The following PACSIN2 variants were observed in gnomAD, a reference collection of about 807,000 sequenced individuals.
PACSIN2 encodes protein kinase C and casein kinase substrate in neurons 2.
PACSIN2 carries 25 observed loss-of-function variants against 63.8 expected under a neutral mutation model. The ratio of observed to expected loss-of-function variants is 0.39; its 90% CI spans 0.29 to 0.55. PACSIN2 has a LOEUF of 0.55. Among genes scored for constraint, PACSIN2 ranks in the 20% least tolerant of loss-of-function variants. PACSIN2 has a pLI of 0.62. For missense variants in PACSIN2, 518 were observed against 646.9 expected (o/e 0.80, Z 2.16); for synonymous variants, 255 against 256.2 (o/e 1.00, Z 0.05).
chr22:42,936,908 C>A (rs1932937238), intron 1 of PACSIN2, among the ~76,000 whole-genome samples: 1 of 101,990 alleles, frequency 9.8e-6, no homozygotes, highest in Admixed American at 1.2e-4. Context: ...AAGACTCTGC[C>A]TCAAAAAAAG....
chr22:42,937,314 G>A (rs757583550), intron 1 of PACSIN2, among the ~76,000 whole-genome samples: 2 of 152,142 alleles, frequency 1.3e-5, no homozygotes, highest in African/African-American at 2.4e-5. Context: ...CCCAGCAAAA[G>A]GCAAGAGAGG....
intron 1 of PACSIN2, among the ~76,000 whole-genome samples, chr22:42,952,025 T>C (rs1230432666): frequency 6.6e-6 from 1 of 152,228 alleles, no homozygotes; most frequent in Admixed American, 6.5e-5. Flanking sequence ...TACCCTCTTC[T>C]TAAGAAAGCC....
intron 7 of PACSIN2, among the ~76,000 whole-genome samples, chr22:42,881,171 G>GTTTT (rs1218085464): frequency 6.6e-6 from 1 of 152,166 alleles, no homozygotes; most frequent in African/African-American, 2.4e-5. Context: ...TCCTGTTAAG[G>GTTTT]GCCATAAAAG....
intron 3 of PACSIN2, among the ~76,000 whole-genome samples, chr22:42,892,534 G>A (rs1929986322): frequency 6.6e-6 from 1 of 152,212 alleles, no homozygotes; most frequent in Non-Finnish European, 1.5e-5. Context: ...GCTTGATCCT[G>A]GGAGAGGGGC....
intron 3 of PACSIN2, among the ~76,000 whole-genome samples, chr22:42,893,235 T>TC (rs1447615484): frequency 6.6e-6 from 1 of 152,194 alleles, no homozygotes; most frequent in Non-Finnish European, 1.5e-5. Flanking sequence ...TAGTCCTGTG[T>TC]CCCCAAGGAA....
At chr22:42,976,292 G>C (rs1921697527) in intron 1 of PACSIN2, among the ~76,000 whole-genome samples, 1 of 152,180 alleles carries the variant, frequency 6.6e-6, no homozygotes, top group Non-Finnish European at 1.5e-5. Flanking sequence ...CCAACCCCAG[G>C]AATTCCTGGT....
At chr22:42,923,004 C>T (rs1014044773) in intron 1 of PACSIN2, among the ~76,000 whole-genome samples, 2 of 152,178 alleles carry the variant, frequency 1.3e-5, no homozygotes, top group South Asian at 2.1e-4. Flanking sequence ...GGGGTCTTTC[C>T]GGCAGAGGCA....
chr22:42,893,386 C>T, intron 3 of PACSIN2, 71 bp downstream of exon 3: 2 of 1,498,430 alleles, frequency 1.3e-6, no homozygotes, highest in Non-Finnish European at 9.2e-7. Flanking sequence ...GAGAGGGTCA[C>T]AACGTGCCCA....
intron 1 of PACSIN2, among the ~76,000 whole-genome samples, chr22:42,982,164 G>C (rs1601601747): frequency 1.6e-5 from 2 of 121,846 alleles, no homozygotes; most frequent in Admixed American, 7.5e-5. Context: ...CCCTATCCAG[G>C]AGGTGAGGGG....
At chr22:42,982,057 G>C (rs1224522488) in intron 1 of PACSIN2, among the ~76,000 whole-genome samples, 2 of 109,014 alleles carry the variant, frequency 1.8e-5, no homozygotes, top group Non-Finnish European at 1.9e-5. Flanking sequence ...GGGCGCCTCT[G>C]CCCGGCCGCC....
chr22:42,902,876 A>T (rs1325300167), intron 2 of PACSIN2, among the ~76,000 whole-genome samples: 1 of 152,132 alleles, frequency 6.6e-6, no homozygotes, highest in Non-Finnish European at 1.5e-5. Flanking sequence ...AGCCTCCCAA[A>T]GTGTTGGGAA....
At chr22:42,882,383 A>G in intron 6 of PACSIN2, 79 bp from the exon 7 acceptor site, 1 of 1,498,230 alleles carries the variant, frequency 6.7e-7, no homozygotes, top group Non-Finnish European at 9.0e-7. Flanking sequence ...CAGCCACAGC[A>G]GGTCCCGTGG....
intron 1 of PACSIN2, among the ~76,000 whole-genome samples, chr22:42,971,802 GGGGGGC>G (rs1181908989): frequency 7.0e-6 from 1 of 143,726 alleles, no homozygotes; most frequent in African/African-American, 2.9e-5. Flanking sequence ...GGAGGGAGGT[GGGGGGC>G]AGCCCCCGCC....
chr22:43,006,360 A>T (rs1452806656), intron 1 of PACSIN2, among the ~76,000 whole-genome samples: 1 of 152,206 alleles, frequency 6.6e-6, no homozygotes, highest in Non-Finnish European at 1.5e-5. Context: ...AAAGCCGCAC[A>T]GTCACCTAGT....
At chr22:42,981,924 G>A (rs1601601430) in intron 1 of PACSIN2, among the ~76,000 whole-genome samples, 2 of 73,660 alleles carry the variant, frequency 2.7e-5, no homozygotes, top group Admixed American at 1.1e-4. Context: ...GGTGAGGGGC[G>A]CCTCTGCCCG....
intron 10 of PACSIN2, among the ~76,000 whole-genome samples, chr22:42,873,521 T>C (rs577200883): frequency 3.3e-5 from 5 of 152,312 alleles, no homozygotes; most frequent in South Asian, 2.1e-4. Flanking sequence ...AGCTAGGCCA[T>C]TGGGCACAGC....
intron 1 of PACSIN2, among the ~76,000 whole-genome samples, chr22:42,964,331 T>C (rs979219292): frequency 1.3e-5 from 2 of 151,798 alleles, no homozygotes; most frequent in Admixed American, 6.6e-5. Flanking sequence ...GGCAGGAGAA[T>C]TGCTTGAACC....
intron 1 of PACSIN2, among the ~76,000 whole-genome samples, chr22:42,933,917 G>A (rs1382269872): frequency 6.6e-6 from 1 of 152,218 alleles, no homozygotes; most frequent in East Asian, 1.9e-4. Context: ...CATGGTAACA[G>A]AAACTATGGA....
At chr22:42,939,137 G>A (rs973617473) in intron 1 of PACSIN2, among the ~76,000 whole-genome samples, 1 of 152,132 alleles carries the variant, frequency 6.6e-6, no homozygotes, top group African/African-American at 2.4e-5. Context: ...TGAAGAGCTG[G>A]AGCTAACAGC....
Sources: gnomAD v4.1 joint callset for allele counts (sites outside exome capture counted in the v4.1 genomes callset) on GRCh38, gnomAD v4.1.1 for gene constraint, MANE v1.5 for transcripts, NCBI Gene and HGNC (gene_info 2026-07-23, HGNC 2026-07-21) for gene names.